GRB14: variants seen among roughly 807,000 people sequenced by gnomAD.
GRB14 encodes the protein growth factor receptor bound protein 14, also known as growth factor receptor-bound protein 14.
A neutral mutation model predicts 69.1 loss-of-function variants in GRB14; 38 were observed. The observed-to-expected ratio is 0.55, with a 90% CI of 0.42 to 0.72. The LOEUF (loss-of-function observed/expected upper bound fraction) is 0.72. Among genes scored for constraint, GRB14 ranks in the 30% least tolerant of loss-of-function variants. The pLI is 0.00. For synonymous variants in GRB14, 247 were observed against 241.3 expected (o/e 1.02, Z -0.22); for missense variants, 666 against 666.1 (o/e 1.00, Z 0.00).
At chr2:164,522,657 G>T (rs1574268085) in intron 5 of GRB14, among the ~76,000 whole-genome samples, 1 of 152,054 alleles carries the variant, frequency 6.6e-6, no homozygotes, top group Middle Eastern at 3.2e-3. Flanking sequence ...CCTCCTTGAG[G>T]CGGGTAAAGC....
chr2:164,521,899 T>G, intron 6 of GRB14, 81 bp downstream of exon 6: 1 of 1,252,018 alleles, frequency 8.0e-7, no homozygotes, highest in South Asian at 1.3e-5. Flanking sequence ...AGTAATAAAG[T>G]AATAAATACA....
chr2:164,615,972 G>A (rs116788388), intron 2 of GRB14, among the ~76,000 whole-genome samples: 2,337 of 152,232 alleles, frequency 0.015, 17 homozygotes, highest in Non-Finnish European at 0.024. Flanking sequence ...TTAGAAAAAA[G>A]AGATTAAGTT....
intron 3 of GRB14, among the ~76,000 whole-genome samples, chr2:164,542,563 C>T (rs1688267859): frequency 6.6e-6 from 1 of 151,934 alleles, no homozygotes; most frequent in South Asian, 2.1e-4. Context: ...AAAAAACAAC[C>T]CCATTATAAA....
chr2:164,539,210 C>T (rs534619918), intron 3 of GRB14, among the ~76,000 whole-genome samples: 2 of 152,266 alleles, frequency 1.3e-5, no homozygotes, highest in South Asian at 4.1e-4. Context: ...CGTGGTGGCT[C>T]ACGCCTGTAA....
At chr2:164,538,921 G>A (rs1217670141) in intron 3 of GRB14, among the ~76,000 whole-genome samples, 2 of 152,128 alleles carry the variant, frequency 1.3e-5, no homozygotes. Flanking sequence ...TTATACGAAA[G>A]TTTTCCTGGT....
intron 12 of GRB14, among the ~76,000 whole-genome samples, chr2:164,496,437 T>C (rs1292979550): frequency 2.6e-5 from 4 of 152,118 alleles, no homozygotes; most frequent in African/African-American, 9.7e-5. Context: ...GGTACCCCAC[T>C]AAAAGACAAC....
chr2:164,597,679 C>CAGG (rs1199352111), intron 2 of GRB14, among the ~76,000 whole-genome samples: 3 of 150,394 alleles, frequency 2.0e-5, no homozygotes, highest in Non-Finnish European at 4.4e-5. Flanking sequence ...GATGCAAGGA[C>CAGG]AGGAGGAGGA....
At chr2:164,598,314 A>G (rs1411172196) in intron 2 of GRB14, among the ~76,000 whole-genome samples, 3 of 152,224 alleles carry the variant, frequency 2.0e-5, no homozygotes, top group Admixed American at 6.5e-5. Flanking sequence ...ATTAAATTGA[A>G]TTTTGAATAG....
intron 2 of GRB14, among the ~76,000 whole-genome samples, chr2:164,582,268 C>T (rs1689425796): frequency 6.6e-6 from 1 of 152,142 alleles, no homozygotes; most frequent in African/African-American, 2.4e-5. Context: ...CATCAAGTTG[C>T]ATAAACCAGA....
At chr2:164,547,635 T>C in intron 3 of GRB14, 25 bp downstream of exon 3, 1 of 1,581,332 alleles carries the variant, frequency 6.3e-7, no homozygotes, top group Non-Finnish European at 8.6e-7. Flanking sequence ...AGCAATGATG[T>C]GAGACAATAA....
chr2:164,618,635 G>C (rs1318376371), intron 2 of GRB14, among the ~76,000 whole-genome samples: 1 of 152,048 alleles, frequency 6.6e-6, no homozygotes, highest in Non-Finnish European at 1.5e-5. Context: ...TATACACAGG[G>C]CTTCCATCAA....
chr2:164,580,767 A>T (rs547997490), intron 2 of GRB14, among the ~76,000 whole-genome samples: 1 of 152,272 alleles, frequency 6.6e-6, no homozygotes, highest in African/African-American at 2.4e-5. Flanking sequence ...ACAATTAGCA[A>T]ATATTAGAAC....
intron 2 of GRB14, among the ~76,000 whole-genome samples, chr2:164,564,912 G>A (rs1688932340): frequency 6.6e-6 from 1 of 152,146 alleles, no homozygotes; most frequent in Admixed American, 6.5e-5. Flanking sequence ...CTACTGAGGA[G>A]GCTGAGGCAG....
At chr2:164,493,995 C>T (rs548588294) in intron 13 of GRB14, among the ~76,000 whole-genome samples, 31 of 152,044 alleles carry the variant, frequency 2.0e-4, no homozygotes, top group Non-Finnish European at 4.0e-4. Context: ...CAGAAGTCTT[C>T]ACCAGTTCCA....
In GRB14 at chr2:164,568,415, T is replaced by C. The variant is rs917951670; in HGVS notation, c.325-20599A>G. 5.6e-6 allele frequency: 7 copies of C among 1,259,788 alleles called. No individual in the cohort carries two copies. In the Admixed American group the frequency reaches 1.8e-4, roughly 33 times the overall value. The allele number at this position is 1,259,788 out of a possible 1,614,324, so 78.0% of individuals were successfully genotyped here. ...TAGAATGATCCTGTCTCGTAGGTCA[T>C]GGACAAAATAAAAGAAATCTTTTAT... On this transcript the variant is annotated intron_variant, in intron 2 of 13. Coordinates refer to ENST00000263915, the MANE Select transcript of GRB14 (RefSeq NM_004490.3).
intron 2 of GRB14, among the ~76,000 whole-genome samples, chr2:164,602,018 T>C (rs1689924901): frequency 2.6e-5 from 4 of 151,928 alleles, no homozygotes; most frequent in African/African-American, 9.7e-5. Context: ...GTAAGAGTAA[T>C]GTATCAGAGA....
At chr2:164,570,287 A>T in intron 2 of GRB14, among the ~76,000 whole-genome samples, 1 of 151,152 alleles carries the variant, frequency 6.6e-6, no homozygotes, top group Non-Finnish European at 1.5e-5. Context: ...AAAAAAAAAA[A>T]AAAAAAAAAA....
chr2:164,566,367 G>C (rs1474247), intron 2 of GRB14, among the ~76,000 whole-genome samples: 7,464 of 152,060 alleles, frequency 0.049, 261 homozygotes, highest in African/African-American at 0.099. Flanking sequence ...TAAAATATCA[G>C]GAGAAGCACA....
intron 2 of GRB14, among the ~76,000 whole-genome samples, chr2:164,554,798 A>G (rs556570150): frequency 6.6e-6 from 1 of 152,106 alleles, no homozygotes; most frequent in South Asian, 2.1e-4. Context: ...TTACACATCA[A>G]CTCCTCCCCT....
Sources: gnomAD v4.1 joint callset for allele counts (sites outside exome capture counted in the v4.1 genomes callset) on GRCh38, gnomAD v4.1.1 for gene constraint, MANE v1.5 for transcripts, NCBI Gene and HGNC (gene_info 2026-07-23, HGNC 2026-07-21) for gene names.